Variants in CDH13 observed in about 807,000 individuals in gnomAD.
CDH13 encodes the protein cadherin 13.
In CDH13, 24 loss-of-function variants were observed where a neutral mutation model predicts 63.8. The observed-to-expected ratio is 0.38, with a 90% CI of 0.27 to 0.53. CDH13 has a LOEUF of 0.53. Ranked by LOEUF, CDH13 falls within the 20% of genes least tolerant of loss-of-function variation. The probability of loss-of-function intolerance (pLI) is 0.85; values close to 1 mark genes in which losing one functional copy is unlikely to be tolerated. For missense variants in CDH13, 1,049 were observed against 903.1 expected (o/e 1.16, Z -2.07); for synonymous variants, 503 against 355.3 (o/e 1.42, Z -4.67).
chr16:83,746,329 C>T lies in CDH13; in HGVS notation c.1539-1779C>T, dbSNP rs570872384. Among the ~76,000 whole-genome samples the T allele has an allele frequency of 2.8e-3, 424 of 152,278 alleles. 1 individual carries two copies. Among genetic ancestry groups the T allele is most frequent in the African/African-American group, 7.5e-3 (313 of 41,546 alleles). ...TCACTCCAATCTCTGCCTCCACGGT[C>T]GTGTGGTCTTCTCCTTTTCTGTGTC... On this transcript the variant is annotated intron_variant, in intron 10 of 13. Transcript: ENST00000567109.
chr16:82,674,048 T>C (rs190226245), intron 1 of CDH13, among the ~76,000 whole-genome samples: 80 of 152,350 alleles, frequency 5.3e-4, no homozygotes, highest in Non-Finnish European at 1.0e-3. Context: ...CTGATTATGT[T>C]GGTCCTGTTG....
At chr16:83,252,720 A>T (rs1258732727) in intron 5 of CDH13, among the ~76,000 whole-genome samples, 1 of 152,080 alleles carries the variant, frequency 6.6e-6, no homozygotes, top group Admixed American at 6.5e-5. Context: ...GAGTGTCATG[A>T]CTAGGGAGGA....
chr16:83,144,068 T>C (rs971469000), intron 4 of CDH13, among the ~76,000 whole-genome samples: 4 of 152,138 alleles, frequency 2.6e-5, no homozygotes, highest in African/African-American at 4.8e-5. Flanking sequence ...AACACTCACA[T>C]TCCACGTTTG....
chr16:83,351,595 G>C (rs1482862887), intron 6 of CDH13, among the ~76,000 whole-genome samples: 1 of 152,200 alleles, frequency 6.6e-6, no homozygotes, highest in Non-Finnish European at 1.5e-5. Flanking sequence ...AACAGCTAGA[G>C]TCTGGATCTA....
chr16:83,040,794 T>C lies in CDH13; in HGVS notation c.366+8576T>C, dbSNP rs181978325. On this transcript the variant is annotated intron_variant, in intron 3 of 13. Coordinates refer to ENST00000567109, the MANE Select transcript of CDH13 (RefSeq NM_001257.5). ...ACAGCATCCAAAGTACTTGGGACAG[T>C]CAGTGTCTCACAACAAACTGGAGTT... Among the ~76,000 whole-genome samples, 102 of 152,324 alleles carry C rather than the reference T, an allele frequency of 6.7e-4. 1 individual carries two copies. The highest frequency in any genetic ancestry group is 3.4e-3 in the Middle Eastern group (1 of 294).
chr16:83,561,234 G>A (rs2075702235), intron 7 of CDH13, among the ~76,000 whole-genome samples: 2 of 151,838 alleles, frequency 1.3e-5, no homozygotes, highest in Admixed American at 1.3e-4. Context: ...TTCACCTGAG[G>A]TTGGGAGTTT....
intron 10 of CDH13, among the ~76,000 whole-genome samples, chr16:83,687,582 A>G (rs1904435708): frequency 6.6e-6 from 1 of 152,202 alleles, no homozygotes; most frequent in South Asian, 2.1e-4. Flanking sequence ...ATATTTCAGT[A>G]TGAGATTTGG....
chr16:83,028,345 C>T (rs67266951), intron 2 of CDH13, among the ~76,000 whole-genome samples: 15,264 of 152,220 alleles, frequency 0.1, 896 homozygotes, highest in African/African-American at 0.16. Flanking sequence ...GTCTGAGAAC[C>T]GCAGGGTCCT....
intron 1 of CDH13, among the ~76,000 whole-genome samples, chr16:82,767,915 G>A (rs2035120263): frequency 6.6e-6 from 1 of 152,118 alleles, no homozygotes; most frequent in Non-Finnish European, 1.5e-5. Flanking sequence ...TTCACCCCAC[G>A]AGCCAAAAGG....
chr16:82,918,991 T>A (rs957920026), intron 2 of CDH13, among the ~76,000 whole-genome samples: 3 of 152,216 alleles, frequency 2.0e-5, no homozygotes, highest in Non-Finnish European at 2.9e-5. Context: ...AAGGTTTAAC[T>A]TTTTTCATGT....
intron 2 of CDH13, among the ~76,000 whole-genome samples, chr16:82,963,223 A>G (rs1408542370): frequency 6.6e-6 from 1 of 151,658 alleles, no homozygotes; most frequent in Non-Finnish European, 1.5e-5. Flanking sequence ...ATACAAAAAA[A>G]AAAAAAATTG....
At chr16:83,215,990 C>A (rs147801798) in intron 4 of CDH13, among the ~76,000 whole-genome samples, 105 of 150,832 alleles carry the variant, frequency 7.0e-4, no homozygotes, top group African/African-American at 2.4e-3. Context: ...AAAGACCACC[C>A]CCCATACTTT....
chr16:83,595,948 G>A (rs1034110901), intron 7 of CDH13, among the ~76,000 whole-genome samples: 2 of 152,202 alleles, frequency 1.3e-5, no homozygotes, highest in Non-Finnish European at 2.9e-5. Context: ...GAAGTCAGGG[G>A]CCATCAAAGC....
In CDH13 at chr16:82,800,457, C is replaced by T. The variant is rs191551908; in HGVS notation, c.46-57905C>T. 1.7e-3 allele frequency among the ~76,000 whole-genome samples: 255 copies of T among 152,260 alleles called. 1 individual carries two copies. The highest frequency in any genetic ancestry group is 3.1e-3 in the Non-Finnish European group (209 of 68,010). On this transcript the variant is annotated intron_variant, in intron 1 of 13. Coordinates refer to ENST00000567109, the MANE Select transcript of CDH13 (RefSeq NM_001257.5). ...AGTTCTTAACTTGGGATCTATGGAA[C>T]AGAGATCAGGGAGTGAGTCTTAGAA...
chr16:82,971,546 C>G (rs1192937444), intron 2 of CDH13, among the ~76,000 whole-genome samples: 1 of 152,214 alleles, frequency 6.6e-6, no homozygotes, highest in Non-Finnish European at 1.5e-5. Flanking sequence ...ACCCAGACCT[C>G]TGGCTACAAA....
intron 10 of CDH13, among the ~76,000 whole-genome samples, chr16:83,727,608 A>G (rs1910561134): frequency 6.6e-6 from 1 of 152,108 alleles, no homozygotes; most frequent in Non-Finnish European, 1.5e-5. Context: ...TAAATGAAAT[A>G]TCAACATTGG....
intron 1 of CDH13, among the ~76,000 whole-genome samples, chr16:82,804,099 G>A (rs12050942): frequency 0.22 from 31,994 of 146,924 alleles, 4,125 homozygotes; most frequent in South Asian, 0.37. Context: ...GTGGTGGTGC[G>A]CGCCTGTAGT....
intron 11 of CDH13, among the ~76,000 whole-genome samples, chr16:83,770,477 G>C (rs1914687487): frequency 6.6e-6 from 1 of 152,210 alleles, no homozygotes; most frequent in Admixed American, 6.5e-5. Context: ...CTCCAAGAGA[G>C]AGTTCTTAGA....
chr16:82,796,526 G>A (rs2036589599), intron 1 of CDH13, among the ~76,000 whole-genome samples: 1 of 152,194 alleles, frequency 6.6e-6, no homozygotes, highest in Non-Finnish European at 1.5e-5. Flanking sequence ...ATTCTAAAGG[G>A]CACAGTTTTT....
Sources: allele counts gnomAD v4.1 joint callset (sites outside exome capture counted in the v4.1 genomes callset), GRCh38; gene constraint gnomAD v4.1.1; transcripts MANE v1.5; gene names NCBI Gene and HGNC (gene_info 2026-07-23, HGNC 2026-07-21).